Variants in SPAG16 observed in about 807,000 individuals in gnomAD.
The protein encoded by SPAG16 is sperm associated antigen 16.
Under a neutral mutation model 80.4 loss-of-function variants are expected in SPAG16, and 86 were observed. The ratio of observed to expected loss-of-function variants is 1.07; its 90% confidence interval spans 0.90 to 1.28. SPAG16 has a LOEUF of 1.28. Ranked by LOEUF, SPAG16 falls within the 50% of genes most tolerant of loss-of-function variation. The pLI, the probability that SPAG16 is intolerant of heterozygous loss-of-function variation, is 0.00. For missense variants in SPAG16, 870 were observed against 765.3 expected, an observed-to-expected ratio of 1.14 and a Z score of -1.61; for synonymous variants, 294 against 265.9, an observed-to-expected ratio of 1.11 and a Z score of -1.03.
chr2:214,219,991 T>A (rs1005302907), intron 15 of SPAG16, among the ~76,000 whole-genome samples: 12 of 152,076 alleles, frequency 7.9e-5, no homozygotes, highest in African/African-American at 2.9e-4. Flanking sequence ...CATTACATTT[T>A]GATTATTTTT....
chr2:213,491,253 G>A (rs1016558089), intron 10 of SPAG16, among the ~76,000 whole-genome samples: 6 of 152,100 alleles, frequency 3.9e-5, no homozygotes, highest in East Asian at 1.9e-4. Flanking sequence ...ATGTAAGGTC[G>A]TGACTTTTTC....
chr2:214,077,837 C>G (rs1330650002), intron 13 of SPAG16, among the ~76,000 whole-genome samples: 2 of 152,202 alleles, frequency 1.3e-5, no homozygotes, highest in African/African-American at 4.8e-5. Flanking sequence ...ATTCTGCCCA[C>G]CAAAATCCTG....
chr2:214,367,565 C>A lies in SPAG16; in HGVS notation c.1721-42575C>A, dbSNP rs201756331. On this transcript the variant is annotated intron_variant, in intron 15 of 15. Coordinates refer to ENST00000331683, the MANE Select transcript of SPAG16 (RefSeq NM_024532.5). ...TTCTATGATGTGTGATTGGAAGTAGCAGTTCTACAGGGAAAAGATGAAAAC... is the reference window on the plus strand; with the variant it reads ...TTCTATGATGTGTGATTGGAAGTAGAAGTTCTACAGGGAAAAGATGAAAAC... 5.3e-5 allele frequency among the ~76,000 whole-genome samples: 8 copies of A among 152,160 alleles called. No homozygotes were observed. In the East Asian group the frequency reaches 1.5e-3, roughly 29 times the overall value.
chr2:213,934,383 C>T (rs1462512604), intron 12 of SPAG16, among the ~76,000 whole-genome samples: 1 of 152,206 alleles, frequency 6.6e-6, no homozygotes, highest in Non-Finnish European at 1.5e-5. Context: ...ATGCAAGTGA[C>T]ACTGCTGAAC....
chr2:214,267,721 A>C (rs892822543), intron 15 of SPAG16, among the ~76,000 whole-genome samples: 36 of 151,890 alleles, frequency 2.4e-4, no homozygotes, highest in African/African-American at 8.0e-4. Flanking sequence ...TAAAATGTCC[A>C]TACTACCGAA....
intron 10 of SPAG16, among the ~76,000 whole-genome samples, chr2:213,620,752 C>T (rs1275463460): frequency 2.0e-5 from 3 of 152,052 alleles, no homozygotes; most frequent in African/African-American, 7.2e-5. Context: ...TAAATACATA[C>T]AATGATTCTA....
chr2:214,186,511 G>A, intron 15 of SPAG16, among the ~76,000 whole-genome samples: 1 of 152,038 alleles, frequency 6.6e-6, no homozygotes. Context: ...AATTAGAAGA[G>A]TTACAGATGA....
intron 15 of SPAG16, among the ~76,000 whole-genome samples, chr2:214,319,967 T>C (rs1007636468): frequency 1.3e-5 from 2 of 152,094 alleles, no homozygotes; most frequent in Admixed American, 6.5e-5. Flanking sequence ...CATCTTAAAA[T>C]GTTACTCTAG....
intron 10 of SPAG16, among the ~76,000 whole-genome samples, chr2:213,825,864 C>A (rs1000406464): frequency 1.3e-5 from 2 of 151,866 alleles, no homozygotes; most frequent in African/African-American, 4.8e-5. Flanking sequence ...TGGTAACATT[C>A]AGCAGTGAAG....
At chr2:214,082,372 TCTC>T (rs1322123526) in intron 13 of SPAG16, among the ~76,000 whole-genome samples, 2 of 152,160 alleles carry the variant, frequency 1.3e-5, no homozygotes, top group East Asian at 1.9e-4. Flanking sequence ...TCTTTTACCT[TCTC>T]CTCCACTTCT....
chr2:213,802,773 T>C (rs2071498875), intron 10 of SPAG16, among the ~76,000 whole-genome samples: 1 of 152,142 alleles, frequency 6.6e-6, no homozygotes, highest in African/African-American at 2.4e-5. Context: ...GTGTGGTGAA[T>C]TATTCAAACT....
chr2:213,648,546 G>GA (rs2062908010), intron 10 of SPAG16, among the ~76,000 whole-genome samples: 3 of 151,820 alleles, frequency 2.0e-5, no homozygotes, highest in African/African-American at 4.8e-5. Context: ...AGCAAAAAGA[G>GA]AAAAAATGAT....
intron 6 of SPAG16, among the ~76,000 whole-genome samples, chr2:213,348,890 C>T (rs2065165613): frequency 6.6e-6 from 1 of 152,192 alleles, no homozygotes; most frequent in Admixed American, 6.6e-5. Flanking sequence ...ATCTTTGTGG[C>T]ATTCTCTGTA....
intron 15 of SPAG16, among the ~76,000 whole-genome samples, chr2:214,246,857 G>C (rs1038738167): frequency 6.6e-6 from 1 of 151,878 alleles, no homozygotes; most frequent in Non-Finnish European, 1.5e-5. Context: ...GCCACAAATT[G>C]CTTCTTTATT....
intron 14 of SPAG16, among the ~76,000 whole-genome samples, chr2:214,123,913 T>C (rs887787101): frequency 2.6e-5 from 4 of 152,058 alleles, no homozygotes; most frequent in Non-Finnish European, 4.4e-5. Context: ...ATCATATAGA[T>C]AACTGATTGG....
At chr2:214,098,743 T>C (rs1371101603) in intron 13 of SPAG16, among the ~76,000 whole-genome samples, 1 of 152,120 alleles carries the variant, frequency 6.6e-6, no homozygotes, top group Admixed American at 6.6e-5. Flanking sequence ...GAATGTATAA[T>C]ACACTTAAGT....
In SPAG16 at chr2:213,576,939, TTACACAAGTTTACATAGGTTACA is replaced by T. The variant is rs2060147837; in HGVS notation, c.1070+86852_1070+86874del. ...AAAATAATCTGTACAACAATCCCCA[TTACACAAGTTTACATAGGTTACA>T]TAGGTAAACTTGTGTACTGAGGGTT... On this transcript the variant is annotated intron_variant, in intron 10 of 15. Coordinates refer to ENST00000331683, the MANE Select transcript of SPAG16 (RefSeq NM_024532.5). 2.0e-5 allele frequency among the ~76,000 whole-genome samples: 3 copies of T among 152,056 alleles called. No homozygotes were observed. In the South Asian group the frequency reaches 6.2e-4, roughly 32 times the overall value.
intron 13 of SPAG16, among the ~76,000 whole-genome samples, chr2:214,093,790 GCGAT>G (rs1242924756): frequency 6.6e-6 from 1 of 152,044 alleles, no homozygotes. Context: ...AATTAACTCT[GCGAT>G]TGTAATACCA....
At chr2:213,761,217 A>T (rs1000159386) in intron 10 of SPAG16, among the ~76,000 whole-genome samples, 2 of 152,202 alleles carry the variant, frequency 1.3e-5, no homozygotes, top group Non-Finnish European at 1.5e-5. Flanking sequence ...ATTCGAAAAT[A>T]CTTGGAGATG....
Sources: allele counts gnomAD v4.1 joint callset (sites outside exome capture counted in the v4.1 genomes callset), GRCh38; gene constraint gnomAD v4.1.1; transcripts MANE v1.5; gene names NCBI Gene and HGNC (gene_info 2026-07-23, HGNC 2026-07-21).